The following MBD5 variants were observed in gnomAD, a reference collection of about 807,000 sequenced individuals.
MBD5 encodes methyl-CpG-binding domain protein 5.
MBD5 carries 13 observed loss-of-function variants against 117.3 expected under a neutral mutation model. That is an observed-to-expected ratio of 0.11 (90% CI 0.07 to 0.18). The LOEUF is 0.18. Among genes scored for constraint, MBD5 ranks in the 10% least tolerant of loss-of-function variants. The pLI, the probability that MBD5 is intolerant of heterozygous loss-of-function variation, is 1.00. For synonymous variants in MBD5, 727 were observed against 766.4 expected (o/e 0.95, Z 0.85); for missense variants, 1,879 against 2,093.8 (o/e 0.90, Z 2.00).
chr2:148,399,031 C>T lies in MBD5; in HGVS notation c.-557+56695C>T, dbSNP rs1486301902. 2.8e-4 allele frequency among the ~76,000 whole-genome samples: 43 copies of T among 150,966 alleles called. No homozygotes were observed. In the East Asian group the frequency reaches 3.7e-3, roughly 13 times the overall value. On this transcript the variant is annotated intron_variant, in intron 4 of 13. Transcript: ENST00000642680. Reference sequence around the variant, plus strand: ...GTCTATATCTCTGTTTTGGTACCAGCACCATGCTGTTTTGGTTACTGTAGC... The same window carrying T: ...GTCTATATCTCTGTTTTGGTACCAGTACCATGCTGTTTTGGTTACTGTAGC...
At chr2:148,330,033 A>AACCCCCCCCCC (rs1702592501) in intron 3 of MBD5, among the ~76,000 whole-genome samples, 1 of 17,690 alleles carries the variant, frequency 5.7e-5, no homozygotes, top group Non-Finnish European at 1.1e-4. Context: ...GTAGGTAAGA[A>AACCCCCCCCCC]CCCCCCCCCG....
intron 1 of MBD5, among the ~76,000 whole-genome samples, chr2:148,175,330 T>C (rs1698358816): frequency 6.6e-6 from 1 of 152,166 alleles, no homozygotes; most frequent in Non-Finnish European, 1.5e-5. Flanking sequence ...AACCACAAAT[T>C]TATATCTCAG....
rs1050506575 is a variant in MBD5 at position 148,325,204 on chromosome 2, A to G, written c.-679-17010A>G. Reference sequence around the variant, plus strand: ...TGAAGCCCACCTGATCATGGTGGATAAGCTTTTTGATGTGCTGTTGGATTC... The same window carrying G: ...TGAAGCCCACCTGATCATGGTGGATGAGCTTTTTGATGTGCTGTTGGATTC... On this transcript the variant is annotated intron_variant, in intron 3 of 13. Transcript: ENST00000642680. Among the ~76,000 whole-genome samples the G allele has an allele frequency of 1.2e-4, 18 of 152,282 alleles. 1 individual carries two copies. The highest frequency in any genetic ancestry group is 1.2e-3 in the Admixed American group (18 of 15,296).
chr2:148,284,698 G>A (rs572689647), intron 3 of MBD5, among the ~76,000 whole-genome samples: 15 of 152,108 alleles, frequency 9.9e-5, no homozygotes, highest in Non-Finnish European at 1.9e-4. Context: ...CTACAAACCT[G>A]ATGCCAGGCT....
At chr2:148,492,871 G>A (rs1189778776) in intron 11 of MBD5, among the ~76,000 whole-genome samples, 2 of 152,068 alleles carry the variant, frequency 1.3e-5, no homozygotes, top group African/African-American at 4.8e-5. Flanking sequence ...AAAACGTGAT[G>A]TATTTCAGAG....
intron 7 of MBD5, among the ~76,000 whole-genome samples, chr2:148,467,945 A>G: frequency 6.6e-6 from 1 of 152,290 alleles, no homozygotes; most frequent in Non-Finnish European, 1.5e-5. Context: ...TAAAAATTCT[A>G]AATCCAACAA....
intron 2 of MBD5, among the ~76,000 whole-genome samples, chr2:148,226,571 A>C (rs933731928): frequency 6.6e-6 from 1 of 152,162 alleles, no homozygotes; most frequent in Non-Finnish European, 1.5e-5. Flanking sequence ...CGCAATAAAC[A>C]TACGTGTGCA....
chr2:148,102,005 T>A (rs894425548), intron 1 of MBD5, among the ~76,000 whole-genome samples: 2 of 152,182 alleles, frequency 1.3e-5, no homozygotes, highest in Non-Finnish European at 2.9e-5. Context: ...TGTTTCTATC[T>A]TAACCCATCA....
intron 1 of MBD5, among the ~76,000 whole-genome samples, chr2:148,114,409 G>A: frequency 6.6e-6 from 1 of 152,146 alleles, no homozygotes; most frequent in African/African-American, 2.4e-5. Context: ...GGCAGAGGTT[G>A]CAGTGAGCTG....
chr2:148,354,046 A>C (rs1298502698), intron 4 of MBD5, among the ~76,000 whole-genome samples: 4 of 152,064 alleles, frequency 2.6e-5, no homozygotes, highest in African/African-American at 9.7e-5. Flanking sequence ...TTTCATTATC[A>C]GGTCTTTCAT....
chr2:148,167,316 CTTG>C (rs1698149402), intron 1 of MBD5, among the ~76,000 whole-genome samples: 2 of 152,086 alleles, frequency 1.3e-5, no homozygotes, highest in Admixed American at 6.5e-5. Flanking sequence ...TCTACCATAT[CTTG>C]TTGTTTAAAC....
chr2:148,301,700 A>C (rs1701778554), intron 3 of MBD5, among the ~76,000 whole-genome samples: 1 of 152,176 alleles, frequency 6.6e-6, no homozygotes, highest in South Asian at 2.1e-4. Context: ...GCCTGCCAGC[A>C]CTTGGGAGGG....
At chr2:148,364,765 A>C (rs1703646827) in intron 4 of MBD5, among the ~76,000 whole-genome samples, 1 of 152,250 alleles carries the variant, frequency 6.6e-6, no homozygotes. Context: ...ATAATGGTAA[A>C]GGGATCAATG....
At chr2:148,407,339 AGTGTGTGT>A (rs34324249) in intron 4 of MBD5, among the ~76,000 whole-genome samples, 11 of 140,102 alleles carry the variant, frequency 7.9e-5, no homozygotes, top group African/African-American at 1.3e-4. Context: ...TGGCTTTCTG[AGTGTGTGT>A]GTGTGTGTGT....
At position 148,490,100 on chromosome 2, in the gene MBD5, G is replaced by A; in HGVS notation, c.4468G>A (p.Asp1490Asn). 6 of 1,613,990 alleles carry A rather than the reference G, an allele frequency of 3.7e-6. No individual in the cohort carries two copies. Among genetic ancestry groups the A allele is most frequent in the Non-Finnish European group, 5.1e-6 (6 of 1,179,996 alleles). Residue 1490 changes from aspartate to asparagine, a missense_variant, in exon 11 of 14, where the codon GAT becomes AAT. Transcript: ENST00000642680. ...GTTACCACCAAGAAACTGTCCAGGGGATAAAATTCTAGAGGAAAATTTCAG... is the reference window on the plus strand; with the variant it reads ...GTTACCACCAAGAAACTGTCCAGGGAATAAAATTCTAGAGGAAAATTTCAG... ...ILLPPRNCPG[D>N]KILEENFRYN...
chr2:148,229,672 T>G (rs1056843005), intron 2 of MBD5, among the ~76,000 whole-genome samples: 2 of 152,170 alleles, frequency 1.3e-5, no homozygotes, highest in Non-Finnish European at 2.9e-5. Flanking sequence ...AGGACTTGAT[T>G]GTTGTGATCT....
At chr2:148,139,258 G>A (rs1212186712) in intron 1 of MBD5, among the ~76,000 whole-genome samples, 1 of 152,036 alleles carries the variant, frequency 6.6e-6, no homozygotes, top group African/African-American at 2.4e-5. Flanking sequence ...CCAGGCTGGA[G>A]TGCAGTGACG....
chr2:148,141,528 C>G (rs1374802401), intron 1 of MBD5, among the ~76,000 whole-genome samples: 1 of 152,192 alleles, frequency 6.6e-6, no homozygotes, highest in Non-Finnish European at 1.5e-5. Flanking sequence ...TTGGAGGAAA[C>G]TGACAATGAA....
chr2:148,032,954 G>A (rs968371133), intron 1 of MBD5, among the ~76,000 whole-genome samples: 1 of 152,128 alleles, frequency 6.6e-6, no homozygotes, highest in Non-Finnish European at 1.5e-5. Context: ...AATGTCCTGG[G>A]TATGATTGAC....
Sources: allele counts gnomAD v4.1 joint callset (sites outside exome capture counted in the v4.1 genomes callset), GRCh38; gene constraint gnomAD v4.1.1; transcripts MANE v1.5; gene names NCBI Gene and HGNC (gene_info 2026-07-23, HGNC 2026-07-21).